Variants in IFT140 observed in about 807,000 individuals in gnomAD.
IFT140 encodes intraflagellar transport 140.
A neutral mutation model predicts 164.6 loss-of-function variants in IFT140; 133 were observed. The observed-to-expected ratio is 0.81, with a 90% confidence interval of 0.70 to 0.93. IFT140 has a LOEUF of 0.93. Ranked by LOEUF, IFT140 falls within the 40% of genes least tolerant of loss-of-function variation. The pLI is 0.00. For missense variants in IFT140, 2,045 were observed against 1,972.3 expected (o/e 1.04, Z -0.70); for synonymous variants, 860 against 817.3 (o/e 1.05, Z -0.89).
At chr16:1,597,220 G>A (rs901680039) in intron 4 of IFT140, among the ~76,000 whole-genome samples, 44 of 152,174 alleles carry the variant, frequency 2.9e-4, no homozygotes, top group Non-Finnish European at 4.3e-4. Flanking sequence ...AGGCGTGAGT[G>A]GCCTGGCCCG....
At chr16:1,517,479 C>A (rs1203536833) in intron 30 of IFT140, among the ~76,000 whole-genome samples, 2 of 152,118 alleles carry the variant, frequency 1.3e-5, no homozygotes, top group African/African-American at 2.4e-5. Flanking sequence ...CACTACTCAT[C>A]CAGAAAATGT....
At position 1,518,321 on chromosome 16, in the gene IFT140, C is replaced by G. The variant is rs1387346251; in HGVS notation, c.4077G>C (p.Gln1359His). 1.2e-6 allele frequency: 2 copies of G among 1,614,004 alleles called. No individual in the cohort carries two copies. Among genetic ancestry groups the G allele is most frequent in the East Asian group, 2.2e-5 (1 of 44,874 alleles). Residue 1359 changes from glutamine to histidine, a missense_variant, in exon 30 of 31, where the codon CAG becomes CAC. Gln to His is a conservative substitution (Grantham distance 24). Coordinates refer to ENST00000426508, the MANE Select transcript of IFT140 (RefSeq NM_014714.4). ...YTEDPKESIKQCELLLEEPDL... is the reference protein window; with the variant it reads ...YTEDPKESIKHCELLLEEPDL... ...CTGGTTCCTCCAGGAGCAGCTCACA[C>G]TGCTTGATGGACTCCTTGGGGTCCT...
At chr16:1,558,247 C>A (rs2033215656) in intron 18 of IFT140, 113 bp from the exon 19 acceptor site, 2 of 1,038,058 alleles carry the variant, frequency 1.9e-6, no homozygotes, top group African/African-American at 3.2e-5. Context: ...CCTCTGCAGA[C>A]AGACAGATAT....
At chr16:1,603,570 C>T (rs2035901033) in intron 3 of IFT140, among the ~76,000 whole-genome samples, 3 of 152,022 alleles carry the variant, frequency 2.0e-5, no homozygotes, top group South Asian at 2.1e-4. Flanking sequence ...CCGCAACCTC[C>T]GCCTCCAAGG....
At chr16:1,595,339 C>T (rs568922262) in intron 4 of IFT140, among the ~76,000 whole-genome samples, 18 of 151,602 alleles carry the variant, frequency 1.2e-4, no homozygotes, top group Non-Finnish European at 1.8e-4. Flanking sequence ...ACTTACAGAC[C>T]AGGCTTGGTG....
At chr16:1,544,794 A>G (rs375347647) in intron 19 of IFT140, among the ~76,000 whole-genome samples, 182 of 149,564 alleles carry the variant, frequency 1.2e-3, no homozygotes, top group East Asian at 6.7e-3. Context: ...GACTACAGGC[A>G]CCCGCCACCA....
At chr16:1,522,391 C>T (rs1028472199) in intron 26 of IFT140, among the ~76,000 whole-genome samples, 3 of 151,952 alleles carry the variant, frequency 2.0e-5, no homozygotes, top group South Asian at 4.1e-4. Context: ...CAAAATTAGC[C>T]GGGCGTGGTG....
At chr16:1,582,899 C>T (rs550620415) in intron 12 of IFT140, among the ~76,000 whole-genome samples, 8 of 152,330 alleles carry the variant, frequency 5.3e-5, no homozygotes, top group African/African-American at 1.9e-4. Flanking sequence ...GCAAAACTAA[C>T]CGCAGAGAGC....
chr16:1,582,509 A>G (rs1215911159), intron 12 of IFT140, among the ~76,000 whole-genome samples: 1 of 152,258 alleles, frequency 6.6e-6, no homozygotes, highest in Admixed American at 6.5e-5. Flanking sequence ...CTATGGGAGA[A>G]TACATTTCCC....
chr16:1,537,276 C>T (rs2076439), intron 19 of IFT140, among the ~76,000 whole-genome samples: 66,359 of 152,172 alleles, frequency 0.44, 15,978 homozygotes, highest in African/African-American at 0.65. Context: ...CACCAGGCCA[C>T]CCTCGGGGTT....
At chr16:1,587,487 AG>A (rs1462330113) in intron 8 of IFT140, among the ~76,000 whole-genome samples, 183 bp from the exon 9 acceptor site, 1 of 152,236 alleles carries the variant, frequency 6.6e-6, no homozygotes, top group African/African-American at 2.4e-5. Context: ...TTCTAATGAA[AG>A]AAAGCCGTTG....
At chr16:1,539,072 A>G (rs1697114294) in intron 19 of IFT140, among the ~76,000 whole-genome samples, 2 of 149,890 alleles carry the variant, frequency 1.3e-5, no homozygotes, top group Admixed American at 1.3e-4. Flanking sequence ...AGGCCTCAGC[A>G]AGCTGCACAG....
At position 1,523,664 on chromosome 16, in the gene IFT140, CA is replaced by C; in HGVS notation, c.3306del (p.Phe1102LeufsTer12). ...GHFSKALELAFATQQFVALQL... is the reference protein window; with the variant it reads ...GHFSKALELAXATQQFVALQL... ...TGTAGGGCCACAAACTGCTGGGTGG[CA>C]AAGGCCAGCTCCAGGGCCTTGGAGA... On this transcript the variant is annotated frameshift_variant, in exon 26 of 31. Transcript: ENST00000426508. LOFTEE classifies it high-confidence loss of function. 6.2e-7 allele frequency: 1 copy of C among 1,613,870 alleles called. No individual in the cohort carries two copies.
rs149521576 is a variant in IFT140, at chr16:1,520,285, A to G, written c.3719T>C (p.Val1240Ala). ...GATGTAGATTTCCTTCTGCCTGGAC[A>G]CGCTCGCGAAGAACGTGATTTTCTC... is the stretch of plus-strand genomic sequence containing the variant. ...DTEKITFFAS[V>A]SRQKEIYIMA... Residue 1240 changes from valine (V) to alanine (A), a missense_variant, in exon 28 of 31, where the codon GTG (valine) becomes GCG (alanine). By Grantham distance (64) the Val-to-Ala change is moderately conservative. Transcript: ENST00000426508. The G allele has an allele frequency of 1.3e-5, 21 of 1,614,064 alleles. No homozygotes were observed. The highest frequency in any genetic ancestry group is 1.8e-5 in the Non-Finnish European group (21 of 1,180,040).
chr16:1,553,801 T>A lies in IFT140; in HGVS notation c.2399+4134A>T. The A allele has an allele frequency of 8.3e-7, 1 of 1,198,038 alleles. No homozygotes were observed. The highest frequency in any genetic ancestry group is 1.1e-6 in the Non-Finnish European group (1 of 946,564). The allele number at this position is 1,198,038 out of a possible 1,614,324, so 74.2% of individuals were successfully genotyped here. On this transcript the variant is annotated intron_variant, in intron 19 of 30. Coordinates refer to ENST00000426508, the MANE Select transcript of IFT140 (RefSeq NM_014714.4). This position sits in a 1 kb window ranked among gnomAD's most constrained non-coding sequence, Gnocchi z 4.4. ...CCTCTCCTCCATCCTAGAGCCTATGTTTCCAGCTGGATTAGGACGCCCGGC... is the reference window on the plus strand; with the variant it reads ...CCTCTCCTCCATCCTAGAGCCTATGATTCCAGCTGGATTAGGACGCCCGGC...
At chr16:1,545,789 G>A (rs556939719) in intron 19 of IFT140, among the ~76,000 whole-genome samples, 3 of 152,246 alleles carry the variant, frequency 2.0e-5, no homozygotes, top group African/African-American at 4.8e-5. Flanking sequence ...AAAGAGAGGC[G>A]ATGGGGCCTG....
intron 18 of IFT140, 23 bp downstream of exon 18, chr16:1,561,962 G>GTGCGGA: frequency 6.3e-7 from 1 of 1,580,532 alleles, no homozygotes; most frequent in Non-Finnish European, 8.6e-7. Flanking sequence ...GAAGACACCT[G>GTGCGGA]TGCGGATGTC....
At chr16:1,592,417 T>TC (rs1567413853) in intron 5 of IFT140, 50 bp downstream of exon 5, 1 of 1,609,750 alleles carries the variant, frequency 6.2e-7, no homozygotes, top group South Asian at 1.1e-5. Flanking sequence ...GCTTCCCACC[T>TC]CCCCCGATGT....
At chr16:1,569,028 G>A (rs1201822405) in intron 14 of IFT140, among the ~76,000 whole-genome samples, 8 of 143,400 alleles carry the variant, frequency 5.6e-5, no homozygotes, top group Admixed American at 7.0e-5. Flanking sequence ...TTTTTGAGAC[G>A]GAGTCTCGCC....
Sources: allele counts gnomAD v4.1 joint callset (sites outside exome capture counted in the v4.1 genomes callset), GRCh38; gene constraint gnomAD v4.1.1; non-coding constraint Gnocchi (gnomAD v3.1); transcripts MANE v1.5; gene names NCBI Gene and HGNC (gene_info 2026-07-23, HGNC 2026-07-21).